The following ADD2 variants were observed in gnomAD, a reference collection of about 807,000 sequenced individuals.
ADD2 encodes the protein beta-adducin.
A neutral mutation model predicts 83.0 loss-of-function variants in ADD2; 23 were observed. The observed-to-expected ratio is 0.28, with a 90% CI of 0.20 to 0.39. The LOEUF is 0.39. Ranked by LOEUF, ADD2 falls within the 10% of genes least tolerant of loss-of-function variation. The pLI, the probability that ADD2 is intolerant of heterozygous loss-of-function variation, is 1.00. For synonymous variants in ADD2, 375 were observed against 375.4 expected (o/e 1.00, Z 0.01); for missense variants, 758 against 944.9 (o/e 0.80, Z 2.59).
intron 1 of ADD2, among the ~76,000 whole-genome samples, chr2:70,751,322 T>C (rs1053928336): frequency 1.3e-5 from 2 of 152,190 alleles, no homozygotes; most frequent in Admixed American, 6.5e-5. Context: ...CCCTTACTAA[T>C]GCTTAGGGTA....
At chr2:70,762,416 T>C (rs1342605850) in intron 1 of ADD2, among the ~76,000 whole-genome samples, 1 of 151,722 alleles carries the variant, frequency 6.6e-6, no homozygotes, top group Non-Finnish European at 1.5e-5. Flanking sequence ...GGTCACAACA[T>C]TTGTGTCACA....
At chr2:70,745,428 AG>A (rs1674140746) in intron 1 of ADD2, among the ~76,000 whole-genome samples, 2 of 152,174 alleles carry the variant, frequency 1.3e-5, no homozygotes, top group South Asian at 4.1e-4. Flanking sequence ...ATCAGAGGAG[AG>A]GGAACAAGTT....
intron 12 of ADD2, among the ~76,000 whole-genome samples, chr2:70,677,410 A>G (rs1175855265): frequency 6.6e-6 from 1 of 152,256 alleles, no homozygotes; most frequent in African/African-American, 2.4e-5. Flanking sequence ...CACGCAAGTG[A>G]ACTGTCAGGC....
chr2:70,721,045 T>C (rs7583666), intron 1 of ADD2, among the ~76,000 whole-genome samples: 45,714 of 152,096 alleles, frequency 0.3, 7,351 homozygotes, highest in African/African-American at 0.42. Context: ...GAGGCTGTTG[T>C]TATGGCAGGT....
chr2:70,688,188 T>A (rs7340254), intron 8 of ADD2, 66 bp from the exon 9 acceptor site: 339,624 of 1,341,684 alleles, frequency 0.25, 45,115 homozygotes, highest in East Asian at 0.39. Context: ...AGGGAGAGGT[T>A]TTCCATTTTA....
intron 15 of ADD2, 151 bp downstream of exon 15, chr2:70,672,727 T>C (rs1553367321): frequency 3.4e-6 from 3 of 880,958 alleles, no homozygotes; most frequent in Non-Finnish European, 1.7e-6. Flanking sequence ...TGAAACAACA[T>C]GAAACTTGAT....
chr2:70,730,776 T>C (rs1553379175), intron 1 of ADD2, among the ~76,000 whole-genome samples: 1 of 152,236 alleles, frequency 6.6e-6, no homozygotes, highest in African/African-American at 2.4e-5. Context: ...ACCGTACTTT[T>C]TCTATGTCTA....
At position 70,676,760 on chromosome 2, in the gene ADD2, C is replaced by T. The variant is rs781964014; in HGVS notation, c.1593+36G>A. The stretch of plus-strand genomic sequence containing the variant: ...GCACAGAAGACCCCGAAGGCAAACA[C>T]GTTTCCCCGCCAGTCAGGGGCAGCC... On this transcript the variant is annotated intron_variant, in intron 13 of 15. Coordinates refer to ENST00000264436, the MANE Select transcript of ADD2 (RefSeq NM_001617.4). The surrounding 1 kb of genome is among the most constrained non-coding windows in gnomAD (Gnocchi z 4.8). The T allele has an allele frequency of 2.0e-5, 33 of 1,613,896 alleles. No homozygotes were observed. Among genetic ancestry groups the T allele is most frequent in the East Asian group, 4.5e-5 (2 of 44,890 alleles).
chr2:70,683,914 T>C, intron 9 of ADD2, 147 bp from the exon 10 acceptor site: 1 of 779,714 alleles, frequency 1.3e-6, no homozygotes. Context: ...TTGATGGGCA[T>C]GCCCCCATTT....
At chr2:70,678,021 C>T in intron 11 of ADD2, 144 bp from the exon 12 acceptor site, 1 of 1,093,528 alleles carries the variant, frequency 9.1e-7, no homozygotes, top group Non-Finnish European at 1.3e-6. Flanking sequence ...TCTTAGGCCT[C>T]TTTGATGTCT....
At chr2:70,666,373 G>C (rs1675802445) in intron 15 of ADD2, among the ~76,000 whole-genome samples, 2 of 152,186 alleles carry the variant, frequency 1.3e-5, no homozygotes, top group Non-Finnish European at 2.9e-5. Flanking sequence ...TCATGTAAAT[G>C]AACACCAGCC....
rs1481783169 is a variant in ADD2, at chr2:70,660,144, GC to G, written c.*3280del. 15 of 152,210 alleles carry G rather than the reference GC, an allele frequency of 9.9e-5. No homozygotes were observed. Among genetic ancestry groups the G allele is most frequent in the African/African-American group, 2.9e-4 (12 of 41,462 alleles). 9.4% of individuals were successfully genotyped at this position (152,210 alleles called of 1,614,324 possible). A position where few individuals can be genotyped will look rare whatever the true frequency, so the allele number is the denominator to read the frequency against. On this transcript the variant is annotated 3_prime_UTR_variant, in exon 16 of 16. Coordinates refer to ENST00000264436, the MANE Select transcript of ADD2 (RefSeq NM_001617.4). The stretch of plus-strand genomic sequence containing the variant: ...CATGTCTGTTTCTGTAGCATTTGGT[GC>G]ATGTCCTCAAGCCTGGAGCTAAATG...
chr2:70,709,063 T>A (rs1558549343), intron 2 of ADD2, among the ~76,000 whole-genome samples: 1 of 152,162 alleles, frequency 6.6e-6, no homozygotes, highest in Non-Finnish European at 1.5e-5. Flanking sequence ...TCAAACTCTG[T>A]TAAGTTTAAT....
chr2:70,732,622 T>A (rs1558566769), intron 1 of ADD2, among the ~76,000 whole-genome samples: 1 of 152,070 alleles, frequency 6.6e-6, no homozygotes, highest in Non-Finnish European at 1.5e-5. Flanking sequence ...GAGGTGAGCA[T>A]GGAGAAGAGG....
chr2:70,665,247 G>C (rs1246347138), intron 15 of ADD2, among the ~76,000 whole-genome samples: 3 of 152,158 alleles, frequency 2.0e-5, no homozygotes, highest in Non-Finnish European at 4.4e-5. Flanking sequence ...CTTGTGGACA[G>C]TTAAAGTGGA....
In ADD2 at chr2:70,673,061, A is replaced by G. The variant is rs1669975619; in HGVS notation, c.1742-55T>C. The G allele has an allele frequency of 1.9e-6, 3 of 1,583,836 alleles. No individual in the cohort carries two copies. The South Asian group carries it at 3.5e-5, about 18-fold the overall frequency. ...GAGGTCAAATAGAGAAGAGATGGGC[A>G]GGGAAATAAAGCCTTTTAAAAATTA... is the stretch of plus-strand genomic sequence containing the variant. On this transcript the variant is annotated intron_variant, in intron 14 of 15. Transcript: ENST00000264436.
chr2:70,663,778 G>T, intron 15 of ADD2, 43 bp from the exon 16 acceptor site: 1 of 1,572,066 alleles, frequency 6.4e-7, no homozygotes, highest in South Asian at 1.2e-5. Context: ...ATTTCATTCA[G>T]GTGACAGCTT....
chr2:70,722,392 T>C (rs1447811621), intron 1 of ADD2, among the ~76,000 whole-genome samples: 3 of 152,190 alleles, frequency 2.0e-5, no homozygotes, highest in African/African-American at 7.2e-5. Context: ...GTTGAAATGC[T>C]GGGGAAATGT....
chr2:70,767,431 G>C lies in ADD2; in HGVS notation c.-154+455C>G, dbSNP rs967247366. ...GCGCAGCCAGCGATCGCGAGGCCCC[G>C]GGGGACGCGCCCAGCCCCGCCAAGC... is the stretch of plus-strand genomic sequence containing the variant. On this transcript the variant is annotated intron_variant, in intron 1 of 15. Transcript: ENST00000264436. The C allele has an allele frequency of 2.8e-4, 50 of 177,440 alleles. No homozygotes were observed. The Middle Eastern group carries it at 8.5e-3, about 30-fold the overall frequency. The allele number at this position is 177,440 out of a possible 1,614,324, so 11.0% of individuals were successfully genotyped here. A position where few individuals can be genotyped will look rare whatever the true frequency, so the allele number is the denominator to read the frequency against.
Sources: gnomAD v4.1 joint callset for allele counts (sites outside exome capture counted in the v4.1 genomes callset) on GRCh38, gnomAD v4.1.1 for gene constraint, Gnocchi (gnomAD v3.1) non-coding constraint, MANE v1.5 for transcripts, NCBI Gene and HGNC (gene_info 2026-07-23, HGNC 2026-07-21) for gene names.